RBFOX1: variants seen among roughly 807,000 people sequenced by gnomAD.
RBFOX1 encodes the protein RNA binding protein fox-1 homolog 1.
A neutral mutation model predicts 57.7 loss-of-function variants in RBFOX1; 8 were observed. The ratio of observed to expected loss-of-function variants is 0.14; its 90% confidence interval spans 0.08 to 0.25. The LOEUF (loss-of-function observed/expected upper bound fraction) is 0.25. Ranked by LOEUF, RBFOX1 falls within the 10% of genes least tolerant of loss-of-function variation. The pLI, the probability that RBFOX1 is intolerant of heterozygous loss-of-function variation, is 1.00. For missense variants in RBFOX1, 611 were observed against 548.5 expected (o/e 1.11, Z -1.14); for synonymous variants, 326 against 222.4 (o/e 1.47, Z -4.15).
At chr16:5,282,442 GC>G (rs1414570603) in intron 1 of RBFOX1, among the ~76,000 whole-genome samples, 3 of 152,210 alleles carry the variant, frequency 2.0e-5, no homozygotes, top group Non-Finnish European at 4.4e-5. Flanking sequence ...AGTTTGGAGG[GC>G]TCAGAAGGAG....
chr16:6,264,683 A>G (rs1028374129), intron 1 of RBFOX1, among the ~76,000 whole-genome samples: 7 of 152,140 alleles, frequency 4.6e-5, no homozygotes, highest in African/African-American at 1.4e-4. Flanking sequence ...GGATCACTGG[A>G]TAGAAGCCAC....
At chr16:6,957,246 C>G (rs1043513657) in intron 3 of RBFOX1, among the ~76,000 whole-genome samples, 3 of 151,770 alleles carry the variant, frequency 2.0e-5, no homozygotes, top group Non-Finnish European at 4.4e-5. Context: ...ATTCTCCTGC[C>G]TCAGCCTCCC....
At chr16:5,251,284 T>A (rs555110307) in intron 1 of RBFOX1, among the ~76,000 whole-genome samples, 7 of 152,358 alleles carry the variant, frequency 4.6e-5, no homozygotes, top group Middle Eastern at 3.4e-3. Flanking sequence ...AAAATGGGGA[T>A]AATGTGATAC....
chr16:5,809,411 C>T lies in RBFOX1; in HGVS notation c.319-57892C>T, dbSNP rs561084921. Among the ~76,000 whole-genome samples, 62 of 145,214 alleles carry T rather than the reference C, an allele frequency of 4.3e-4. 2 individuals carry two copies. The highest frequency in any genetic ancestry group is 1.4e-4 in the Admixed American group (2 of 14,174). On this transcript the variant is annotated intron_variant, in intron 3 of 19. Coordinates refer to the RBFOX1 transcript ENST00000641259. ...AGCCTACACAATGGGAGAAAATTTT[C>T]GCAACCTACTCATCTGACAAAGGGC...
intron 4 of RBFOX1, among the ~76,000 whole-genome samples, chr16:7,327,354 G>A (rs1401512274): frequency 1.3e-5 from 2 of 152,222 alleles, no homozygotes; most frequent in Non-Finnish European, 2.9e-5. Flanking sequence ...ATCGGAGGAT[G>A]AATTTGGACA....
At chr16:6,964,725 C>T (rs1030038590) in intron 3 of RBFOX1, among the ~76,000 whole-genome samples, 10 of 152,276 alleles carry the variant, frequency 6.6e-5, no homozygotes, top group Middle Eastern at 3.4e-3. Flanking sequence ...AGGTAAGGTC[C>T]GGAAGCACTT....
At chr16:6,657,902 G>A (rs1386807782) in intron 3 of RBFOX1, among the ~76,000 whole-genome samples, 1 of 152,038 alleles carries the variant, frequency 6.6e-6, no homozygotes, top group South Asian at 2.1e-4. Context: ...GGCTTCTCAA[G>A]AATCACTTTA....
intron 4 of RBFOX1, among the ~76,000 whole-genome samples, chr16:7,474,071 G>A (rs992538014): frequency 2.0e-5 from 3 of 152,068 alleles, no homozygotes; most frequent in Non-Finnish European, 2.9e-5. Flanking sequence ...GGCGGATCAC[G>A]AGGTCAGGAG....
At chr16:7,306,213 A>T (rs1055197637) in intron 4 of RBFOX1, among the ~76,000 whole-genome samples, 4 of 152,046 alleles carry the variant, frequency 2.6e-5, no homozygotes, top group Non-Finnish European at 4.4e-5. Context: ...CTAGATTTTT[A>T]AATTGGCTTA....
At chr16:5,686,773 G>A (rs2065625166) in intron 3 of RBFOX1, among the ~76,000 whole-genome samples, 1 of 152,086 alleles carries the variant, frequency 6.6e-6, no homozygotes, top group African/African-American at 2.4e-5. Flanking sequence ...ATTTTTTCCA[G>A]TAGAAATTCC....
chr16:7,596,583 T>C (rs892768046), intron 8 of RBFOX1, among the ~76,000 whole-genome samples: 1 of 151,928 alleles, frequency 6.6e-6, no homozygotes, highest in African/African-American at 2.4e-5. Flanking sequence ...TATATCTATA[T>C]ACATATATAT....
At chr16:6,641,365 G>A (rs892989043) in intron 2 of RBFOX1, among the ~76,000 whole-genome samples, 3 of 152,070 alleles carry the variant, frequency 2.0e-5, no homozygotes, top group African/African-American at 7.2e-5. Flanking sequence ...TCATTTTCTG[G>A]TGCTATTTAT....
intron 3 of RBFOX1, among the ~76,000 whole-genome samples, chr16:6,855,343 C>G (rs1233528466): frequency 6.6e-6 from 1 of 151,966 alleles, no homozygotes; most frequent in African/African-American, 2.4e-5. Flanking sequence ...CAGGTAGTCA[C>G]ACAAAACAGA....
At position 6,483,911 on chromosome 16, in the gene RBFOX1, C is replaced by A. The variant is rs928521618; in HGVS notation, c.-64+166854C>A. On this transcript the variant is annotated intron_variant, in intron 2 of 15. Coordinates refer to ENST00000550418, the MANE Select transcript of RBFOX1 (RefSeq NM_018723.4). ...CTGCGTTTGCAGCGCGTGAATGGGA[C>A]GCGGTATGTAAGCCGAGCTCCAGCT... 5.5e-6 allele frequency: 6 copies of A among 1,099,740 alleles called. No homozygotes were observed. In the African/African-American group the frequency reaches 9.8e-5, roughly 18 times the overall value. The allele number at this position is 1,099,740 out of a possible 1,614,324, so 68.1% of individuals were successfully genotyped here.
At chr16:7,381,999 C>A (rs58805647) in intron 4 of RBFOX1, among the ~76,000 whole-genome samples, 2,469 of 152,296 alleles carry the variant, frequency 0.016, 77 homozygotes, top group African/African-American at 0.056. Flanking sequence ...CCTGCTTTTA[C>A]GCGATTGGAT....
At chr16:5,541,390 C>G (rs910918074) in intron 2 of RBFOX1, among the ~76,000 whole-genome samples, 1 of 151,960 alleles carries the variant, frequency 6.6e-6, no homozygotes, top group African/African-American at 2.4e-5. Flanking sequence ...CCAAGGTAGT[C>G]GGGGCACAGC....
At chr16:6,670,777 C>T (rs573406767) in intron 3 of RBFOX1, among the ~76,000 whole-genome samples, 4 of 151,994 alleles carry the variant, frequency 2.6e-5, no homozygotes, top group African/African-American at 7.3e-5. Context: ...CTGGGTGGAT[C>T]ACAAGGTCAG....
chr16:5,837,216 C>T (rs1020520943), intron 3 of RBFOX1, among the ~76,000 whole-genome samples: 6 of 151,948 alleles, frequency 3.9e-5, no homozygotes, highest in Admixed American at 6.6e-5. Context: ...GCTTTGCACA[C>T]GCTCTCTATA....
chr16:7,029,904 A>G lies in RBFOX1; in HGVS notation c.-15-22153A>G, dbSNP rs553143125. ...GAATAATGAAGACCCAGCAAATGCC[A>G]TTTCTTCTCACTAGAATGGGAGATT... On this transcript the variant is annotated intron_variant, in intron 3 of 15. Transcript: ENST00000550418. Among the ~76,000 whole-genome samples, 11 of 152,290 alleles carry G rather than the reference A, an allele frequency of 7.2e-5. No individual in the cohort carries two copies. The East Asian group carries it at 2.1e-3, about 30-fold the overall frequency.
Sources: allele counts gnomAD v4.1 joint callset (sites outside exome capture counted in the v4.1 genomes callset), GRCh38; gene constraint gnomAD v4.1.1; transcripts MANE v1.5; gene names NCBI Gene and HGNC (gene_info 2026-07-23, HGNC 2026-07-21).